Variants in CYP20A1 observed in about 807,000 individuals in gnomAD.
CYP20A1 encodes cytochrome P450 20A1.
CYP20A1 carries 61 observed loss-of-function variants against 61.4 expected under a neutral mutation model. The ratio of observed to expected loss-of-function variants is 0.99; its 90% CI spans 0.81 to 1.23. CYP20A1 has a LOEUF of 1.23. Ranked by LOEUF, CYP20A1 falls within the 50% of genes most tolerant of loss-of-function variation. CYP20A1 has a pLI of 0.00. For synonymous variants in CYP20A1, 193 were observed against 188.2 expected, an observed-to-expected ratio of 1.03 and a Z score of -0.21; for missense variants, 530 against 542.4, an observed-to-expected ratio of 0.98 and a Z score of 0.23.
At chr2:203,242,804 G>A (rs577768860) in intron 1 of CYP20A1, among the ~76,000 whole-genome samples, 18 of 150,754 alleles carry the variant, frequency 1.2e-4, no homozygotes, top group Admixed American at 1.3e-4. Flanking sequence ...AAAAAAAAAA[G>A]CTTAGGTTGC....
chr2:203,239,368 G>C (rs529607006), intron 1 of CYP20A1, among the ~76,000 whole-genome samples: 1 of 152,148 alleles, frequency 6.6e-6, no homozygotes, highest in African/African-American at 2.4e-5. Context: ...GGGCCAGGCG[G>C]GCGTAGAGCT....
chr2:203,266,429 G>A, intron 4 of CYP20A1, 85 bp from the exon 5 acceptor site: 2 of 1,205,432 alleles, frequency 1.7e-6, no homozygotes, highest in Non-Finnish European at 2.4e-6. Flanking sequence ...TTAACTGTTT[G>A]CCATTAAATG....
rs1297723314 is a variant in CYP20A1 at position 203,300,467 on chromosome 2, A to G, written c.*3559A>G. On this transcript the variant is annotated 3_prime_UTR_variant, in exon 13 of 13. Coordinates refer to ENST00000356079, the MANE Select transcript of CYP20A1 (RefSeq NM_177538.3). ...GAATGATTCTAGCAGGACTCAAGTT[A>G]TTGAACTATCAAATGGGTTTTTAAT... Among the ~76,000 whole-genome samples the G allele has an allele frequency of 6.6e-6, 1 of 152,232 alleles. No individual in the cohort carries two copies. Among genetic ancestry groups the G allele is most frequent in the Non-Finnish European group, 1.5e-5 (1 of 68,046 alleles).
In CYP20A1 at chr2:203,266,644, A is replaced by T. The variant is rs2152075286; in HGVS notation, c.563A>T (p.Asp188Val). 1 of 1,614,036 alleles carries T rather than the reference A, an allele frequency of 6.2e-7. No individual in the cohort carries two copies. Among genetic ancestry groups the T allele is most frequent in the South Asian group, 1.1e-5 (1 of 91,074 alleles). Reference sequence around the variant, plus strand: ...GTAATGGGTAGTACATTTGAAGATGATCAGGAAGTCATTCGCTTCCAGAAG... The same window carrying T: ...GTAATGGGTAGTACATTTGAAGATGTTCAGGAAGTCATTCGCTTCCAGAAG... ...QMVMGSTFEDDQEVIRFQKNH... is the reference protein window; with the variant it reads ...QMVMGSTFEDVQEVIRFQKNH... Residue 188 changes from aspartate (D) to valine (V), a missense_variant, in exon 5 of 13, where the codon GAT becomes GTT. Asp to Val is a radical substitution (Grantham distance 152, BLOSUM62 -3). Transcript: ENST00000356079.
At chr2:203,252,316 A>G (rs1236297561) in intron 4 of CYP20A1, among the ~76,000 whole-genome samples, 1 of 152,102 alleles carries the variant, frequency 6.6e-6, no homozygotes, top group Non-Finnish European at 1.5e-5. Context: ...GACTCACTGT[A>G]TAAGTTGGAA....
intron 1 of CYP20A1, among the ~76,000 whole-genome samples, chr2:203,241,136 G>T (rs889258466): frequency 3.3e-5 from 5 of 152,198 alleles, no homozygotes; most frequent in African/African-American, 1.2e-4. Context: ...GAAAACACCA[G>T]TTATTTTTAG....
In CYP20A1 at chr2:203,279,045, A is replaced by G. The variant is rs1043337114; in HGVS notation, c.795+357A>G. Among the ~76,000 whole-genome samples the G allele has an allele frequency of 4.6e-5, 7 of 151,888 alleles. No individual in the cohort carries two copies. In the East Asian group the frequency reaches 1.2e-3, roughly 25 times the overall value. On this transcript the variant is annotated intron_variant, in intron 7 of 12. Transcript: ENST00000356079. ...AGTGGCACGATCTCTGCTCACTGCA[A>G]CCTCCACCTCCTGGGTTCAAGCGAT... is the stretch of plus-strand genomic sequence containing the variant.
rs1163039964 is a variant in CYP20A1, at chr2:203,300,891, GAAAAAAA to G, written c.*3999_*4005del. Among the ~76,000 whole-genome samples, 5 of 37,044 alleles carry G rather than the reference GAAAAAAA, an allele frequency of 1.3e-4. No individual in the cohort carries two copies. The highest frequency in any genetic ancestry group is 3.9e-4 in the African/African-American group (5 of 12,872). The allele number at this position is 37,044 out of a possible 152,430, so 24.3% of individuals were successfully genotyped here. ...GCAATAAGAGCAAAACTCCGTCTCA[GAAAAAAA>G]AAAAAAAAAAAAAAACGGCCAGGCG... On this transcript the variant is annotated 3_prime_UTR_variant, in exon 13 of 13. Transcript: ENST00000356079.
In CYP20A1 at chr2:203,304,885, A is replaced by G. The variant is rs1406368037; in HGVS notation, c.*7977A>G. 6.6e-6 allele frequency among the ~76,000 whole-genome samples: 1 copy of G among 152,112 alleles called. No individual in the cohort carries two copies. Among genetic ancestry groups the G allele is most frequent in the Non-Finnish European group, 1.5e-5 (1 of 68,016 alleles). On this transcript the variant is annotated 3_prime_UTR_variant, in exon 13 of 13. Coordinates refer to ENST00000356079, the MANE Select transcript of CYP20A1 (RefSeq NM_177538.3). ...CAGGAGGTAGAGGTTGCAGTGAGCC[A>G]TGATCATGCCACTGCACTCCAGCCT...
At chr2:203,247,837 A>G (rs10192872) in intron 3 of CYP20A1, among the ~76,000 whole-genome samples, 135,899 of 152,028 alleles carry the variant, frequency 0.89, 61,587 homozygotes, top group Non-Finnish European at 0.96. Flanking sequence ...AGCCTGGGCA[A>G]CAGAGTAAGA....
chr2:203,254,182 G>A (rs1285770444), intron 4 of CYP20A1, among the ~76,000 whole-genome samples: 1 of 151,862 alleles, frequency 6.6e-6, no homozygotes, highest in Admixed American at 6.6e-5. Context: ...TCCTGACCTT[G>A]TGATCCACCA....
intron 8 of CYP20A1, among the ~76,000 whole-genome samples, chr2:203,283,463 G>A (rs1388126873): frequency 4.0e-5 from 6 of 151,430 alleles, no homozygotes; most frequent in East Asian, 1.9e-4. Context: ...TGATCTGCCC[G>A]CCTTGGCCTC....
At position 203,296,870 on chromosome 2, in the gene CYP20A1, A is replaced by G. The variant is rs761266950; in HGVS notation, c.1351A>G (p.Arg451Gly). ...ETKYELVTSS[R>G]EEAWITVSKR... ...AAAGTATGAACTGGTAACATCATCAAGGGAAGAAGCTTGGATCACTGTCTC... is the reference window on the plus strand; with the variant it reads ...AAAGTATGAACTGGTAACATCATCAGGGGAAGAAGCTTGGATCACTGTCTC... Residue 451 changes from arginine (R) to glycine (G), a missense_variant, in exon 13 of 13, where the codon AGG becomes GGG. By Grantham distance (125) the Arg-to-Gly change is moderately radical. Transcript: ENST00000356079. The G allele has an allele frequency of 1.2e-6, 2 of 1,605,704 alleles. No individual in the cohort carries two copies. Among genetic ancestry groups the G allele is most frequent in the South Asian group, 2.2e-5 (2 of 88,922 alleles).
At chr2:203,275,201 A>C (rs1409746693) in intron 6 of CYP20A1, among the ~76,000 whole-genome samples, 1 of 152,194 alleles carries the variant, frequency 6.6e-6, no homozygotes, top group Non-Finnish European at 1.5e-5. Flanking sequence ...AGATTATTCT[A>C]ATGTACTTGT....
At chr2:203,279,266 G>A (rs1419338828) in intron 7 of CYP20A1, among the ~76,000 whole-genome samples, 1 of 152,094 alleles carries the variant, frequency 6.6e-6, no homozygotes, top group Non-Finnish European at 1.5e-5. Flanking sequence ...GCACCCAGCT[G>A]CATCGTACAT....
At chr2:203,263,907 T>C (rs1053788879) in intron 4 of CYP20A1, among the ~76,000 whole-genome samples, 1 of 152,144 alleles carries the variant, frequency 6.6e-6, no homozygotes, top group Non-Finnish European at 1.5e-5. Context: ...TCTTTTTAGC[T>C]GCTGAGAGGA....
Position 203,296,863 on chromosome 2 carries a change from A to G in CYP20A1, c.1344A>G (p.Thr448=). ...TTGAAACAAAGTATGAACTGGTAAC[A>G]TCATCAAGGGAAGAAGCTTGGATCA... ...QVIETKYELV[T]SSREEAWITV... is the part of the protein sequence containing the mutation. The change falls in exon 13 of 13, where the codon ACA becomes ACG. Residue 448 remains threonine, a synonymous_variant. Transcript: ENST00000356079. The G allele has an allele frequency of 6.2e-7, 1 of 1,608,278 alleles. No individual in the cohort carries two copies. Among genetic ancestry groups the G allele is most frequent in the Non-Finnish European group, 8.5e-7 (1 of 1,178,124 alleles).
chr2:203,249,820 G>A (rs2066594174), intron 3 of CYP20A1, among the ~76,000 whole-genome samples: 1 of 152,074 alleles, frequency 6.6e-6, no homozygotes, highest in South Asian at 2.1e-4. Context: ...ACTCCAACCT[G>A]GATGACAGAT....
intron 11 of CYP20A1, among the ~76,000 whole-genome samples, chr2:203,295,314 A>G (rs1215191091): frequency 2.0e-5 from 3 of 151,912 alleles, no homozygotes; most frequent in Non-Finnish European, 2.9e-5. Context: ...GGCTCAAGCA[A>G]TCCTCCCACC....
Sources: gnomAD v4.1 joint callset for allele counts (sites outside exome capture counted in the v4.1 genomes callset) on GRCh38, gnomAD v4.1.1 for gene constraint, MANE v1.5 for transcripts, NCBI Gene and HGNC (gene_info 2026-07-23, HGNC 2026-07-21) for gene names.